The following AHCY variants were observed in gnomAD, a reference collection of about 807,000 sequenced individuals.
AHCY encodes the protein adenosylhomocysteinase, also known as S-adenosyl-L-homocysteine hydrolase.
In AHCY, 24 loss-of-function variants were observed where a neutral mutation model predicts 45.4. That is an observed-to-expected ratio of 0.53 (90% CI 0.38 to 0.74). AHCY has a LOEUF of 0.74. Ranked by LOEUF, AHCY falls within the 30% of genes least tolerant of loss-of-function variation. AHCY has a pLI of 0.00. For synonymous variants in AHCY, 245 were observed against 235.1 expected (o/e 1.04, Z -0.39); for missense variants, 449 against 594.1 (o/e 0.76, Z 2.54).
downstream of AHCY, among the ~76,000 whole-genome samples, chr20:34,277,493 C>G (rs1233134259): frequency 2.6e-5 from 4 of 152,130 alleles, no homozygotes; most frequent in Non-Finnish European, 5.9e-5. Context: ...AAAGGCCGGG[C>G]ACAGTGGCTC....
upstream of AHCY, among the ~76,000 whole-genome samples, chr20:34,304,801 G>A (rs1004273475): frequency 1.5e-4 from 23 of 151,884 alleles, no homozygotes; most frequent in Non-Finnish European, 3.2e-4. Flanking sequence ...CGATTCTCTT[G>A]CCTCAGCCTC....
chr20:34,306,436 C>T (rs1232227823), upstream of AHCY, among the ~76,000 whole-genome samples: 5 of 149,324 alleles, frequency 3.3e-5, no homozygotes, highest in South Asian at 4.2e-4. Flanking sequence ...GGTGTGATCT[C>T]GGCTCACTGC....
chr20:34,269,636 G>T, the AHCY span, among the ~76,000 whole-genome samples: 1 of 146,950 alleles, frequency 6.8e-6, no homozygotes, highest in Non-Finnish European at 1.5e-5. Flanking sequence ...CTCCCCAGGG[G>T]AAAAAAAAAA....
intron 1 of AHCY, among the ~76,000 whole-genome samples, chr20:34,309,663 C>T (rs1601695096): frequency 6.6e-6 from 1 of 152,108 alleles, no homozygotes; most frequent in Admixed American, 6.6e-5. Context: ...CACTTGTAAT[C>T]CCAGCTACTT....
chr20:34,305,081 C>T (rs900022248), upstream of AHCY, among the ~76,000 whole-genome samples: 4 of 149,668 alleles, frequency 2.7e-5, no homozygotes, highest in Non-Finnish European at 5.9e-5. Context: ...ATTGGGAGGC[C>T]GAGGCGGGCG....
the AHCY span, among the ~76,000 whole-genome samples, chr20:34,253,446 AT>A: frequency 0.11 from 12,586 of 111,810 alleles, 1,702 homozygotes; most frequent in African/African-American, 0.48. Flanking sequence ...TTTTTATTTT[AT>A]TTTATTTATT....
In AHCY at chr20:34,295,123, G is replaced by A. The variant is rs1431850176; in HGVS notation, c.219+272C>T. 7.2e-5 allele frequency: 41 copies of A among 565,818 alleles called. 1 individual carries two copies. In the East Asian group the frequency reaches 8.2e-4, roughly 11 times the overall value. 35.0% of individuals were successfully genotyped at this position (565,818 alleles called of 1,614,324 possible). Reference sequence around the variant, plus strand: ...CCTTAAGAGACTAAGTAGGACATGGGTGTTGAATTTTTCCTGCCAGAGCAT... The same window carrying A: ...CCTTAAGAGACTAAGTAGGACATGGATGTTGAATTTTTCCTGCCAGAGCAT... On this transcript the variant is annotated intron_variant, in intron 2 of 9. Coordinates refer to ENST00000217426, the MANE Select transcript of AHCY (RefSeq NM_000687.4).
chr20:34,285,896 C>T (rs1179384525), intron 8 of AHCY: 4 of 456,964 alleles, frequency 8.8e-6, no homozygotes, highest in Admixed American at 6.8e-5. Context: ...GTCAGGAGAT[C>T]GAGATTATCT....
chr20:34,285,434 A>C lies in AHCY; in HGVS notation c.1167+6T>G, dbSNP rs2036141291. On this transcript the variant is annotated splice_donor_region_variant and intron_variant, in intron 9 of 9. Coordinates refer to ENST00000217426, the MANE Select transcript of AHCY (RefSeq NM_000687.4). ...CCCTTGGCTTGAGGTAGAAGAATAA[A>C]CCCACCTTCTTGGGCAGGAAATGAA... 6.2e-7 allele frequency: 1 copy of C among 1,613,702 alleles called. No homozygotes were observed. The highest frequency in any genetic ancestry group is 1.3e-5 in the African/African-American group (1 of 74,894).
the AHCY span, among the ~76,000 whole-genome samples, chr20:34,268,758 CAAA>C: frequency 3.3e-5 from 5 of 149,926 alleles, no homozygotes; most frequent in African/African-American, 1.2e-4. Flanking sequence ...AACAAACAAA[CAAA>C]AAAAACACAA....
intron 5 of AHCY, among the ~76,000 whole-genome samples, 186 bp from the exon 6 acceptor site, chr20:34,291,124 T>C (rs1022463407): frequency 6.6e-6 from 1 of 152,136 alleles, no homozygotes; most frequent in Non-Finnish European, 1.5e-5. Context: ...AAAGAGCTTC[T>C]CTCTAATCTT....
At chr20:34,254,317 C>A in the AHCY span, among the ~76,000 whole-genome samples, 1 of 152,216 alleles carries the variant, frequency 6.6e-6, no homozygotes, top group African/African-American at 2.4e-5. Flanking sequence ...CCTGCCTTGG[C>A]CTCCCAAAGT....
rs1568803992 is a variant in AHCY at position 34,294,127 on chromosome 20, G to A, written c.249C>T (p.Ser83=). The change falls in exon 3 of 10, where the codon TCC becomes TCT. Residue 83 remains serine, a synonymous_variant. Coordinates refer to ENST00000217426, the MANE Select transcript of AHCY (RefSeq NM_000687.4). The part of the protein sequence containing the change: ...EVQWSSCNIF[S]TQDHAAAAIA... ...TGGCAGCCGCCGCATGGTCCTGGGT[G>A]GAGAAGATGTTGCAGCTGGACCACT... is the stretch of plus-strand genomic sequence containing the variant. 1.9e-6 allele frequency: 3 copies of A among 1,613,812 alleles called. No individual in the cohort carries two copies. The highest frequency in any genetic ancestry group is 1.1e-5 in the South Asian group (1 of 91,072).
At position 34,308,469 on chromosome 20, in the gene AHCY, G is replaced by A. The variant is rs188453739; in HGVS notation, c.-57+3003C>T. The stretch of plus-strand genomic sequence containing the variant: ...TGAGGCTGAGGCAGGACAGTTGCTT[G>A]AATCTGGGAGGTGGAGGTTGCAGTG... On this transcript the variant is annotated intron_variant, in intron 1 of 9. Transcript: ENST00000538132. Among the ~76,000 whole-genome samples, 3 of 152,272 alleles carry A rather than the reference G, an allele frequency of 2.0e-5. 1 individual carries two copies. The highest frequency in any genetic ancestry group is 7.2e-5 in the African/African-American group (3 of 41,564).
intron 8 of AHCY, among the ~76,000 whole-genome samples, chr20:34,287,370 CTTTT>C (rs1458877742): frequency 6.9e-6 from 1 of 144,114 alleles, no homozygotes. Flanking sequence ...AAGGGGGTCT[CTTTT>C]TTATTTTATT....
At chr20:34,257,469 C>T in the AHCY span, among the ~76,000 whole-genome samples, 1 of 151,982 alleles carries the variant, frequency 6.6e-6, no homozygotes, top group Non-Finnish European at 1.5e-5. Flanking sequence ...TTTTTAGCAA[C>T]AATCAGAAGC....
the AHCY span, among the ~76,000 whole-genome samples, chr20:34,250,952 G>T: frequency 6.6e-6 from 1 of 152,116 alleles, no homozygotes; most frequent in African/African-American, 2.4e-5. Context: ...ACTCAGGGAT[G>T]ATCTCAACAC....
chr20:34,295,434 C>T lies in AHCY; in HGVS notation c.180G>A (p.Thr60=), dbSNP rs1476800341. The part of the protein sequence containing the change: ...IAGCLHMTVE[T]AVLIETLVTL... ...TGACGAGGGTCTCAATGAGGACGGC[C>T]GTCTCCACGGTCATGTGCAGGCAGC... Residue 60 remains threonine, a synonymous_variant, in exon 2 of 10, where the codon ACG becomes ACA. Coordinates refer to ENST00000217426, the MANE Select transcript of AHCY (RefSeq NM_000687.4). 2.5e-6 allele frequency: 4 copies of T among 1,614,100 alleles called. No individual in the cohort carries two copies. Among genetic ancestry groups the T allele is most frequent in the South Asian group, 2.2e-5 (2 of 91,072 alleles).
rs191880253 is a variant in AHCY at position 34,286,897 on chromosome 20, T to A, written c.973-1263A>T. ...TCATTCCCAGAGACTCCTATTCCTGTGGCCCACAGTGTGGCTCCCAGGTGA... is the reference window on the plus strand; with the variant it reads ...TCATTCCCAGAGACTCCTATTCCTGAGGCCCACAGTGTGGCTCCCAGGTGA... On this transcript the variant is annotated intron_variant, in intron 8 of 9. Transcript: ENST00000217426. Among the ~76,000 whole-genome samples the A allele has an allele frequency of 1.0e-3, 151 of 149,382 alleles. 1 individual carries two copies. The highest frequency in any genetic ancestry group is 3.6e-3 in the African/African-American group (148 of 40,870).
Sources: gnomAD v4.1 joint callset for allele counts (sites outside exome capture counted in the v4.1 genomes callset) on GRCh38, gnomAD v4.1.1 for gene constraint, MANE v1.5 for transcripts, NCBI Gene and HGNC (gene_info 2026-07-23, HGNC 2026-07-21) for gene names.